SLC34A2: variants seen among roughly 807,000 people sequenced by gnomAD.
SLC34A2 encodes sodium-dependent phosphate transport protein 2B.
A neutral mutation model predicts 50.8 loss-of-function variants in SLC34A2; 41 were observed. That is an observed-to-expected ratio of 0.81 (90% CI 0.63 to 1.05). SLC34A2 has a LOEUF of 1.05. Ranked by LOEUF, SLC34A2 falls within the 50% of genes least tolerant of loss-of-function variation. The pLI is 0.00. For missense variants in SLC34A2, 879 were observed against 876.7 expected, an observed-to-expected ratio of 1.00 and a Z score of -0.03; for synonymous variants, 401 against 364.2, an observed-to-expected ratio of 1.10 and a Z score of -1.15.
In SLC34A2 at chr4:25,671,654, C is replaced by G. The variant is rs937323145; in HGVS notation, c.981C>G (p.Leu327=). 8 of 1,614,216 alleles carry G rather than the reference C, an allele frequency of 5.0e-6. No individual in the cohort carries two copies. Among genetic ancestry groups the G allele is most frequent in the Non-Finnish European group, 6.8e-6 (8 of 1,180,038 alleles). The part of the protein sequence containing the change: ...PSTANCTSPS[L]CWTDGIQNWT... ...CTGCTAACTGCACCTCCCCTTCCCTCTGTTGGACGGATGGCATCCAAAACT... is the reference window on the plus strand; with the variant it reads ...CTGCTAACTGCACCTCCCCTTCCCTGTGTTGGACGGATGGCATCCAAAACT... The change falls in exon 9 of 13, where the codon CTC becomes CTG. Residue 327 remains leucine, a synonymous_variant. Coordinates refer to ENST00000382051, the MANE Select transcript of SLC34A2 (RefSeq NM_006424.3).
Position 25,678,497 on chromosome 4 carries a change from C to G in SLC34A2, c.*1748C>G, listed in dbSNP as rs916066133. 7 of 169,574 alleles carry G rather than the reference C, an allele frequency of 4.1e-5. No homozygotes were observed. Among genetic ancestry groups the G allele is most frequent in the African/African-American group, 1.7e-4 (7 of 41,890 alleles). 10.5% of individuals were successfully genotyped at this position (169,574 alleles called of 1,614,324 possible). A position where few individuals can be genotyped will look rare whatever the true frequency, so the allele number is the denominator to read the frequency against. The stretch of plus-strand genomic sequence containing the variant: ...AGTTAAACCCGGGCAGGGGCTGTGG[C>G]CGTCTTTGTACTCTGGTGATTTTTA... On this transcript the variant is annotated 3_prime_UTR_variant, in exon 13 of 13. Coordinates refer to ENST00000382051, the MANE Select transcript of SLC34A2 (RefSeq NM_006424.3).
chr4:25,676,101 A>G (rs769792313), intron 12 of SLC34A2, 34 bp from the exon 13 acceptor site: 1 of 1,612,556 alleles, frequency 6.2e-7, no homozygotes, highest in Non-Finnish European at 8.5e-7. Flanking sequence ...ATTGGGCAAC[A>G]GGCCCCTCAC....
intron 10 of SLC34A2, 63 bp from the exon 11 acceptor site, chr4:25,674,233 C>A: frequency 1.6e-6 from 2 of 1,289,070 alleles, no homozygotes; most frequent in Non-Finnish European, 2.3e-6. Context: ...CAGCCCCTAC[C>A]CCAGGCCACC....
intron 1 of SLC34A2, among the ~76,000 whole-genome samples, chr4:25,657,084 A>C (rs1713923031): frequency 6.6e-6 from 1 of 152,168 alleles, no homozygotes; most frequent in Non-Finnish European, 1.5e-5. Flanking sequence ...ATGGGTGATA[A>C]GAAAGGCGTG....
chr4:25,661,510 C>T (rs1714182112), intron 1 of SLC34A2, among the ~76,000 whole-genome samples: 1 of 152,120 alleles, frequency 6.6e-6, no homozygotes, highest in Non-Finnish European at 1.5e-5. Flanking sequence ...GCCTCAGCCT[C>T]CTAAGTAGCT....
At chr4:25,664,427 T>C (rs150232379) in intron 4 of SLC34A2, 97 bp downstream of exon 4, 1 of 1,361,782 alleles carries the variant, frequency 7.3e-7, no homozygotes, top group African/African-American at 1.4e-5. Flanking sequence ...AGCTGCAGCC[T>C]CCTGGAGTGT....
Position 25,670,845 on chromosome 4 carries a change from A to G in SLC34A2, c.927+12A>G, listed in dbSNP as rs781729149. ...CTTTTACCAACAAGGTACGTTTCCA[A>G]GAATATTCCCGGGGCGGGGAGTGAA... On this transcript the variant is annotated intron_variant, in intron 8 of 12. Transcript: ENST00000382051. The G allele has an allele frequency of 5.6e-6, 9 of 1,603,610 alleles. No homozygotes were observed. Among genetic ancestry groups the G allele is most frequent in the South Asian group, 5.5e-5 (5 of 90,788 alleles).
chr4:25,667,780 G>A, intron 5 of SLC34A2, 100 bp from the exon 6 acceptor site: 1 of 769,368 alleles, frequency 1.3e-6, no homozygotes, highest in Non-Finnish European at 2.3e-6. Context: ...CTTGCATAGA[G>A]GATAAAAACT....
Position 25,670,838 on chromosome 4 carries a change from G to A in SLC34A2, c.927+5G>A, listed in dbSNP as rs757711485. On this transcript the variant is annotated splice_donor_5th_base_variant and intron_variant, in intron 8 of 12. Coordinates refer to ENST00000382051, the MANE Select transcript of SLC34A2 (RefSeq NM_006424.3). ...TGCAAAACTTTTACCAACAAGGTAC[G>A]TTTCCAAGAATATTCCCGGGGCGGG... 10 of 1,610,468 alleles carry A rather than the reference G, an allele frequency of 6.2e-6. No homozygotes were observed. The highest frequency in any genetic ancestry group is 1.7e-4 in the Middle Eastern group (1 of 6,054).
At chr4:25,667,838 C>A (rs1368743254) in intron 5 of SLC34A2, 42 bp from the exon 6 acceptor site, 4 of 1,350,166 alleles carry the variant, frequency 3.0e-6, no homozygotes, top group East Asian at 2.3e-5. Context: ...TGCCTCCAGG[C>A]TGCCTTTCTA....
chr4:25,662,562 C>T lies in SLC34A2; in HGVS notation c.62C>T (p.Ala21Val). 1.2e-6 allele frequency: 2 copies of T among 1,614,134 alleles called. No individual in the cohort carries two copies. Among genetic ancestry groups the T allele is most frequent in the Middle Eastern group, 3.3e-4 (2 of 6,062 alleles). Reference sequence around the variant, plus strand: ...AACCCCGATAAGTACCTCGAAGGGGCCGCAGGTCAGCAGCCCACTGCCCCT... The same window carrying T: ...AACCCCGATAAGTACCTCGAAGGGGTCGCAGGTCAGCAGCCCACTGCCCCT... ...QPNPDKYLEG[A>V]AGQQPTAPDK... Residue 21 changes from alanine to valine, a missense_variant, in exon 2 of 13, where the codon GCC becomes GTC. Physicochemically the swap from Ala to Val is moderately conservative, Grantham distance 64. Transcript: ENST00000382051.
At chr4:25,668,350 TAGA>T (rs1374321773) in intron 6 of SLC34A2, among the ~76,000 whole-genome samples, 1 of 152,222 alleles carries the variant, frequency 6.6e-6, no homozygotes, top group Non-Finnish European at 1.5e-5. Context: ...CAAGGCCAGT[TAGA>T]AGAGTAGGAT....
intron 5 of SLC34A2, among the ~76,000 whole-genome samples, chr4:25,667,583 A>G (rs1714566461): frequency 6.6e-6 from 1 of 152,216 alleles, no homozygotes; most frequent in Admixed American, 6.5e-5. Context: ...GCCATGCACA[A>G]CTGACTCAAC....
At chr4:25,663,940 C>G (rs1560235670) in intron 3 of SLC34A2, among the ~76,000 whole-genome samples, 1 of 152,188 alleles carries the variant, frequency 6.6e-6, no homozygotes, top group African/African-American at 2.4e-5. Context: ...CACATTGAAC[C>G]CCTCCTCCCA....
At chr4:25,658,290 A>G (rs1713994014) in intron 1 of SLC34A2, among the ~76,000 whole-genome samples, 1 of 152,206 alleles carries the variant, frequency 6.6e-6, no homozygotes, top group African/African-American at 2.4e-5. Flanking sequence ...TGGGGATACA[A>G]TGGCCATACT....
intron 1 of SLC34A2, among the ~76,000 whole-genome samples, chr4:25,657,611 G>A (rs888702698): frequency 2.0e-5 from 3 of 152,184 alleles, no homozygotes; most frequent in Admixed American, 1.3e-4. Context: ...CATGGTGAGG[G>A]TGTGGTTTGG....
At chr4:25,674,261 G>T (rs769486547) in intron 10 of SLC34A2, 35 bp from the exon 11 acceptor site, 3 of 1,564,896 alleles carry the variant, frequency 1.9e-6, no homozygotes, top group Non-Finnish European at 2.6e-6. Flanking sequence ...ACCTTCCCCG[G>T]AGAGGCCATG....
chr4:25,661,805 T>C (rs1056080164), intron 1 of SLC34A2, among the ~76,000 whole-genome samples: 17 of 152,182 alleles, frequency 1.1e-4, no homozygotes, highest in African/African-American at 3.9e-4. Flanking sequence ...TGGGGTTCCA[T>C]TGAAGGGTTG....
chr4:25,677,755 T>C lies in SLC34A2; in HGVS notation c.*1006T>C, dbSNP rs931935576. 1 of 152,218 alleles carries C rather than the reference T, an allele frequency of 6.6e-6. No homozygotes were observed. The highest frequency in any genetic ancestry group is 2.4e-5 in the African/African-American group (1 of 41,440). The allele number at this position is 152,218 out of a possible 1,614,324, so 9.4% of individuals were successfully genotyped here. On this transcript the variant is annotated 3_prime_UTR_variant, in exon 13 of 13. Coordinates refer to ENST00000382051, the MANE Select transcript of SLC34A2 (RefSeq NM_006424.3). ...CACCTGGAATAGCTCTCCACCCCTC[T>C]CTGCCTCCTTACTTTCTGTGCAAGA...
Sources: allele counts gnomAD v4.1 joint callset (sites outside exome capture counted in the v4.1 genomes callset), GRCh38; gene constraint gnomAD v4.1.1; transcripts MANE v1.5; gene names NCBI Gene and HGNC (gene_info 2026-07-23, HGNC 2026-07-21).